DNAH10: variants seen among roughly 807,000 people sequenced by gnomAD.
DNAH10 encodes the protein dynein axonemal heavy chain 10.
Under a neutral mutation model 506.6 loss-of-function variants are expected in DNAH10, and 348 were observed. The observed-to-expected ratio is 0.69, with a 90% CI of 0.63 to 0.75. The LOEUF (loss-of-function observed/expected upper bound fraction) is 0.75. Among genes scored for constraint, DNAH10 ranks in the 30% least tolerant of loss-of-function variants. DNAH10 has a pLI of 0.00. For missense variants in DNAH10, 5,179 were observed against 5,787.1 expected (o/e 0.89, Z 3.41); for synonymous variants, 2,059 against 2,198.6 (o/e 0.94, Z 1.78).
At position 123,925,070 on chromosome 12, in the gene DNAH10, G is replaced by A. The variant is rs1180568161; in HGVS notation, c.11787G>A (p.Leu3929=). 28 of 1,613,888 alleles carry A rather than the reference G, an allele frequency of 1.7e-5. No homozygotes were observed. The highest frequency in any genetic ancestry group is 2.3e-5 in the Non-Finnish European group (27 of 1,179,896). The change falls in exon 68 of 79, where the codon CTG becomes CTA. Residue 3929 remains leucine (L), a synonymous_variant. Transcript: ENST00000673944. This position sits in a 1 kb window ranked among gnomAD's most constrained non-coding sequence, Gnocchi z 4.0. ...VWQEWYDLDS[L]EQFPVPLGYD... ...CCCAGTGGTATGACCTGGATTCACT[G>A]GAGCAGTTTCCCGTCCCCTTGGGTT... is the stretch of plus-strand genomic sequence containing the variant.
At chr12:123,764,884 G>T (rs1956960290) in intron 1 of DNAH10, among the ~76,000 whole-genome samples, 1 of 152,100 alleles carries the variant, frequency 6.6e-6, no homozygotes, top group Admixed American at 6.5e-5. Flanking sequence ...ATGGCGTCGG[G>T]TGTTGGGGGT....
chr12:123,894,830 C>T, intron 54 of DNAH10, 107 bp downstream of exon 54: 1 of 993,958 alleles, frequency 1.0e-6, no homozygotes, highest in South Asian at 1.5e-5. Flanking sequence ...ACTGGAAAAC[C>T]CTATGGTAAC....
intron 50 of DNAH10, 23 bp downstream of exon 50, chr12:123,879,824 C>T (rs888955596): frequency 6.2e-7 from 1 of 1,606,554 alleles, no homozygotes; most frequent in Non-Finnish European, 8.5e-7. Flanking sequence ...CCCACCCTGT[C>T]CATGGGCTCA....
chr12:123,817,235 T>G (rs1959168844), intron 21 of DNAH10, among the ~76,000 whole-genome samples: 1 of 151,646 alleles, frequency 6.6e-6, no homozygotes, highest in Admixed American at 6.6e-5. Flanking sequence ...TTGAGATTTG[T>G]AGTACATTCA....
At chr12:123,826,040 C>T (rs1005137126) in intron 24 of DNAH10, among the ~76,000 whole-genome samples, 7 of 152,008 alleles carry the variant, frequency 4.6e-5, no homozygotes, top group African/African-American at 1.2e-4. Flanking sequence ...GGGAGGATCA[C>T]TTGAGGCCAG....
intron 51 of DNAH10, among the ~76,000 whole-genome samples, chr12:123,886,558 AGT>A (rs1158679663): frequency 6.6e-6 from 1 of 151,938 alleles, no homozygotes; most frequent in South Asian, 2.1e-4. Flanking sequence ...TGTGTGGCTG[AGT>A]GTGAACATGT....
At position 123,924,327 on chromosome 12, in the gene DNAH10, G is replaced by T. The variant is rs1485874838; in HGVS notation, c.11661G>T (p.Leu3887Phe). ...AAAGAAAAAAGCCCTGCGCTTGGTTGTCTGACCAAGGATGGGAAGATATCA... is the reference window on the plus strand; with the variant it reads ...AAAGAAAAAAGCCCTGCGCTTGGTTTTCTGACCAAGGATGGGAAGATATCA... The part of the protein sequence containing the change: ...KSKRKKPCAW[L>F]SDQGWEDIIL... The change falls in exon 67 of 79, where the codon TTG (leucine) becomes TTT (phenylalanine). Residue 3887 changes from leucine (L) to phenylalanine (F), a missense_variant. Physicochemically the swap from Leu to Phe is conservative, Grantham distance 22. Transcript: ENST00000673944. 6.2e-7 allele frequency: 1 copy of T among 1,613,274 alleles called. No individual in the cohort carries two copies. Among genetic ancestry groups the T allele is most frequent in the Non-Finnish European group, 8.5e-7 (1 of 1,179,478 alleles).
At chr12:123,915,084 C>A (rs1196900288) in intron 62 of DNAH10, 85 bp downstream of exon 62, 2 of 1,455,816 alleles carry the variant, frequency 1.4e-6, no homozygotes, top group Non-Finnish European at 1.8e-6. Context: ...ACGTGGCAGT[C>A]CCTAGCCTCA....
intron 2 of DNAH10, among the ~76,000 whole-genome samples, chr12:123,770,255 ATTTTT>A (rs139218825): frequency 1.9e-5 from 2 of 103,466 alleles, no homozygotes; most frequent in Non-Finnish European, 4.5e-5. Context: ...TCAAAAAAAA[ATTTTT>A]TTTTAAAATT....
At position 123,793,993 on chromosome 12, in the gene DNAH10, C is replaced by T. The variant is rs1207112631; in HGVS notation, c.1867C>T (p.Arg623Ter). 1.8e-5 allele frequency: 23 copies of T among 1,276,278 alleles called. No homozygotes were observed. Among genetic ancestry groups the T allele is most frequent in the East Asian group, 5.6e-5 (1 of 17,760 alleles). 79.1% of individuals were successfully genotyped at this position (1,276,278 alleles called of 1,614,324 possible). The stretch of plus-strand genomic sequence containing the variant: ...TATTGATGAATCTTTTAAGACGCTT[C>T]GATCTGCTGAAGCAGCATTTGACAT... ...HFIDESFKTL[R>*]SAEAAFDMLL... Residue 623 changes from arginine to a stop codon, truncating the protein, a stop_gained, in exon 12 of 79, where the codon CGA becomes TGA. Transcript: ENST00000673944. LOFTEE classifies it high-confidence loss of function.
At chr12:123,841,280 A>G in intron 29 of DNAH10, 42 bp from the exon 30 acceptor site, 1 of 1,602,348 alleles carries the variant, frequency 6.2e-7, no homozygotes, top group South Asian at 1.1e-5. Flanking sequence ...TGATTCCAGA[A>G]CTCCGTGCAG....
In DNAH10 at chr12:123,857,079, G is replaced by A; in HGVS notation, c.6462G>A (p.Leu2154=). 1 of 1,612,762 alleles carries A rather than the reference G, an allele frequency of 6.2e-7. No homozygotes were observed. Among genetic ancestry groups the A allele is most frequent in the Non-Finnish European group, 8.5e-7 (1 of 1,179,438 alleles). ...LREDVVLMRA[L]RDMNLPKFVF... ...AGGACGTGGTGCTGATGAGGGCCTT[G>A]CGAGACATGAACTTGCCCAAATTTG... The change falls in exon 37 of 79, where the codon TTG becomes TTA. Residue 2154 remains leucine (L), a synonymous_variant. Transcript: ENST00000673944.
intron 51 of DNAH10, 41 bp downstream of exon 51, chr12:123,881,854 A>C (rs1594277409): frequency 2.8e-6 from 4 of 1,429,812 alleles, no homozygotes; most frequent in Non-Finnish European, 3.7e-6. Context: ...TTACGATGCC[A>C]GTTTCTGCAG....
chr12:123,883,031 A>C (rs7297429), intron 51 of DNAH10, among the ~76,000 whole-genome samples: 77,278 of 151,868 alleles, frequency 0.51, 19,901 homozygotes, highest in African/African-American at 0.53. Flanking sequence ...TTCAAAGTTC[A>C]TGTTGTAGCA....
chr12:123,771,753 C>G, intron 3 of DNAH10, 55 bp downstream of exon 3: 4 of 1,426,144 alleles, frequency 2.8e-6, no homozygotes, highest in Non-Finnish European at 3.9e-6. Flanking sequence ...TTGATGCCCT[C>G]TAGGATTCAG....
chr12:123,795,800 A>T (rs1012004059), intron 12 of DNAH10, among the ~76,000 whole-genome samples: 12 of 152,146 alleles, frequency 7.9e-5, no homozygotes, highest in African/African-American at 2.4e-4. Context: ...TGCTTCTTTT[A>T]AAAACACAGT....
At chr12:123,778,715 T>A (rs866097418) in intron 5 of DNAH10, among the ~76,000 whole-genome samples, 7 of 150,580 alleles carry the variant, frequency 4.6e-5, no homozygotes, top group African/African-American at 7.3e-5. Flanking sequence ...AGAAAAAAAA[T>A]ATATATGTTC....
At chr12:123,834,678 A>G (rs1960944686) in intron 27 of DNAH10, among the ~76,000 whole-genome samples, 2 of 152,270 alleles carry the variant, frequency 1.3e-5, no homozygotes, top group Middle Eastern at 3.4e-3. Context: ...GTCATTCCCT[A>G]CCATCTCCTC....
intron 38 of DNAH10, among the ~76,000 whole-genome samples, 183 bp from the exon 39 acceptor site, chr12:123,860,829 G>A (rs1033089730): frequency 3.3e-5 from 5 of 152,136 alleles, no homozygotes; most frequent in Non-Finnish European, 5.9e-5. Context: ...GGTGAAATGT[G>A]GTTGCTTTAT....
Sources: allele counts gnomAD v4.1 joint callset (sites outside exome capture counted in the v4.1 genomes callset), GRCh38; gene constraint gnomAD v4.1.1; non-coding constraint Gnocchi (gnomAD v3.1); transcripts MANE v1.5; gene names NCBI Gene and HGNC (gene_info 2026-07-23, HGNC 2026-07-21).